The following RGS6 variants were observed in gnomAD, a reference collection of about 807,000 sequenced individuals.
RGS6 encodes regulator of G-protein signaling 6.
Under a neutral mutation model 78.5 loss-of-function variants are expected in RGS6, and 30 were observed. The ratio of observed to expected loss-of-function variants is 0.38; its 90% CI spans 0.29 to 0.52. RGS6 has a LOEUF of 0.52. Among genes scored for constraint, RGS6 ranks in the 20% least tolerant of loss-of-function variants. The pLI is 0.85. For synonymous variants in RGS6, 206 were observed against 206.0 expected (o/e 1.00, Z 0.00); for missense variants, 495 against 609.7 (o/e 0.81, Z 1.98).
intron 17 of RGS6, among the ~76,000 whole-genome samples, chr14:72,544,354 G>A (rs1282051520): frequency 6.6e-6 from 1 of 152,196 alleles, no homozygotes; most frequent in East Asian, 1.9e-4. Flanking sequence ...CCCGAGTGAG[G>A]CTGGTGTCAG....
rs764930194 is a variant in RGS6 at position 72,145,721 on chromosome 14, G to C, written c.84+180846G>C. 1.3e-5 allele frequency among the ~76,000 whole-genome samples: 2 copies of C among 152,134 alleles called. 1 individual carries two copies. The highest frequency in any genetic ancestry group is 2.9e-5 in the Non-Finnish European group (2 of 68,030). ...TGATCTCAAACTTCTGACCTCAAGT[G>C]ATCCACCTGCCTTGGCCTCCCAAAA... On this transcript the variant is annotated intron_variant, in intron 2 of 17. Coordinates refer to ENST00000553525, the MANE Select transcript of RGS6 (RefSeq NM_001204424.2).
At chr14:72,406,374 C>G (rs2092928500) in intron 3 of RGS6, among the ~76,000 whole-genome samples, 1 of 150,812 alleles carries the variant, frequency 6.6e-6, no homozygotes, top group South Asian at 2.1e-4. Context: ...CAGAGTGAGA[C>G]TCCATCTCAA....
intron 1 of RGS6, among the ~76,000 whole-genome samples, chr14:71,963,623 G>C (rs890730070): frequency 2.0e-5 from 3 of 152,166 alleles, no homozygotes; most frequent in Non-Finnish European, 2.9e-5. Context: ...TTTGTGTCTG[G>C]CTTTTTACAC....
chr14:71,893,744 A>ATTTTGGGG, the RGS6 span, among the ~76,000 whole-genome samples: 1 of 152,096 alleles, frequency 6.6e-6, no homozygotes, highest in Non-Finnish European at 1.5e-5. Flanking sequence ...TCACACGTTC[A>ATTTTGGGG]TTTTGGGGTG....
At chr14:72,179,198 AT>A (rs1186225090) in intron 2 of RGS6, among the ~76,000 whole-genome samples, 1 of 152,198 alleles carries the variant, frequency 6.6e-6, no homozygotes, top group East Asian at 1.9e-4. Context: ...CTTTTTCTGT[AT>A]TGTGCAAGTT....
At chr14:72,253,010 T>C (rs1159383219) in intron 2 of RGS6, among the ~76,000 whole-genome samples, 1 of 152,228 alleles carries the variant, frequency 6.6e-6, no homozygotes, top group African/African-American at 2.4e-5. Context: ...GGAAGCGTGG[T>C]AAGCACGGTC....
chr14:71,873,871 T>G, the RGS6 span, among the ~76,000 whole-genome samples: 1 of 152,228 alleles, frequency 6.6e-6, no homozygotes, highest in Non-Finnish European at 1.5e-5. Flanking sequence ...GCTAGCCAGT[T>G]TTCCCAGCAC....
rs530782800 is a variant in RGS6, at chr14:72,542,589, CAG to C, written c.1422+2496_1422+2497del. Among the ~76,000 whole-genome samples the C allele has an allele frequency of 4.9e-4, 75 of 152,270 alleles. 1 individual carries two copies. The South Asian group carries it at 5.0e-3, about 10-fold the overall frequency. ...CATGTCATGGGGCTAATAATGGAAACAGGGGAGTGAAGCTGGGCAGCTCACGG... is the reference window on the plus strand; with the variant it reads ...CATGTCATGGGGCTAATAATGGAAACGGGAGTGAAGCTGGGCAGCTCACGG... On this transcript the variant is annotated intron_variant, in intron 17 of 17. Coordinates refer to ENST00000553525, the MANE Select transcript of RGS6 (RefSeq NM_001204424.2).
chr14:72,389,645 T>C (rs558328068), intron 3 of RGS6, among the ~76,000 whole-genome samples: 1 of 152,092 alleles, frequency 6.6e-6, no homozygotes, highest in African/African-American at 2.4e-5. Context: ...TCGTCATGAG[T>C]GGTAGCATCC....
chr14:71,913,124 G>A, the RGS6 span, among the ~76,000 whole-genome samples: 2 of 152,044 alleles, frequency 1.3e-5, no homozygotes, highest in Admixed American at 1.3e-4. Flanking sequence ...ACCGCGCCTG[G>A]CCTACAGTTC....
intron 1 of RGS6, among the ~76,000 whole-genome samples, chr14:71,939,213 G>A (rs1488102969): frequency 6.6e-6 from 1 of 152,168 alleles, no homozygotes; most frequent in African/African-American, 2.4e-5. Flanking sequence ...TGTAGGAGGG[G>A]CCAAATGCAG....
intron 3 of RGS6, among the ~76,000 whole-genome samples, chr14:72,398,310 T>C (rs1164021106): frequency 6.6e-6 from 1 of 152,242 alleles, no homozygotes; most frequent in Non-Finnish European, 1.5e-5. Context: ...ATTTATCCAT[T>C]TCTTCTTGAT....
At chr14:71,892,170 A>G in the RGS6 span, among the ~76,000 whole-genome samples, 1 of 152,304 alleles carries the variant, frequency 6.6e-6, no homozygotes, top group South Asian at 2.1e-4. Context: ...TTCCTTCACA[A>G]CAAAACACTA....
intron 3 of RGS6, 134 bp from the exon 4 acceptor site, chr14:72,454,394 A>G (rs1566888316): frequency 2.3e-6 from 2 of 868,864 alleles, no homozygotes; most frequent in African/African-American, 3.3e-5. Flanking sequence ...GTTAGGACAA[A>G]AAAAAGTGCC....
chr14:71,963,386 A>C (rs1371444329), intron 1 of RGS6, among the ~76,000 whole-genome samples: 1 of 152,242 alleles, frequency 6.6e-6, no homozygotes, highest in East Asian at 1.9e-4. Flanking sequence ...TTCACATAAC[A>C]CAAAATTAGC....
chr14:72,623,050 A>C, the RGS6 span, among the ~76,000 whole-genome samples: 1 of 152,268 alleles, frequency 6.6e-6, no homozygotes, highest in African/African-American at 2.4e-5. Context: ...AGATATTCAG[A>C]GAAAACAAGC....
rs55988416 is a variant in RGS6, at chr14:72,241,155, C to CAAA, written c.85-110926_85-110924dup. On this transcript the variant is annotated intron_variant, in intron 2 of 17. Coordinates refer to ENST00000553525, the MANE Select transcript of RGS6 (RefSeq NM_001204424.2). ...CTGGTGACAGAGCGAGACTCTGTCT[C>CAAA]AAAAAAAAAAAAAAAACAAAACTTA... Among the ~76,000 whole-genome samples, 231 of 102,056 alleles carry CAAA rather than the reference C, an allele frequency of 2.3e-3. 4 individuals carry two copies. The highest frequency in any genetic ancestry group is 3.9e-3 in the Admixed American group (38 of 9,844). The allele number at this position is 102,056 out of a possible 152,430, so 67.0% of individuals were successfully genotyped here.
intron 3 of RGS6, among the ~76,000 whole-genome samples, chr14:72,387,643 T>G (rs2088643478): frequency 6.6e-6 from 1 of 152,216 alleles, no homozygotes; most frequent in Non-Finnish European, 1.5e-5. Context: ...CATATATATG[T>G]ATACCTATAT....
At chr14:72,580,315 A>ACC in the RGS6 span, among the ~76,000 whole-genome samples, 145 of 133,774 alleles carry the variant, frequency 1.1e-3, 2 homozygotes, top group African/African-American at 4.2e-3. Flanking sequence ...TGTCCCCCCC[A>ACC]CCCCGACCCC....
Sources: gnomAD v4.1 joint callset for allele counts (sites outside exome capture counted in the v4.1 genomes callset) on GRCh38, gnomAD v4.1.1 for gene constraint, MANE v1.5 for transcripts, NCBI Gene and HGNC (gene_info 2026-07-23, HGNC 2026-07-21) for gene names.